The following LDLRAD3 variants were observed in gnomAD, a reference collection of about 807,000 sequenced individuals.
LDLRAD3 encodes the protein low-density lipoprotein receptor class A domain-containing protein 3.
In LDLRAD3, 20 loss-of-function variants were observed where a neutral mutation model predicts 29.4. The observed-to-expected ratio is 0.68, with a 90% CI of 0.48 to 0.99. LDLRAD3 has a LOEUF of 0.99. Among genes scored for constraint, LDLRAD3 ranks in the 50% least tolerant of loss-of-function variants. The probability of loss-of-function intolerance (pLI) is 0.00; values close to 1 mark genes in which losing one functional copy is unlikely to be tolerated. For missense variants in LDLRAD3, 420 were observed against 454.3 expected, an observed-to-expected ratio of 0.92 and a Z score of 0.69; for synonymous variants, 157 against 192.7, an observed-to-expected ratio of 0.81 and a Z score of 1.53.
chr11:35,981,226 G>C (rs1009077030), intron 1 of LDLRAD3, among the ~76,000 whole-genome samples: 3 of 152,000 alleles, frequency 2.0e-5, no homozygotes, highest in South Asian at 2.1e-4. Context: ...GGGGTGGGGG[G>C]GCTGAGTCAG....
intron 3 of LDLRAD3, among the ~76,000 whole-genome samples, chr11:36,088,576 T>C (rs1383980383): frequency 6.6e-6 from 1 of 152,222 alleles, no homozygotes; most frequent in East Asian, 1.9e-4. Context: ...TGCTGGCATA[T>C]TTCTGTAGCT....
intron 4 of LDLRAD3, among the ~76,000 whole-genome samples, chr11:36,138,045 C>A (rs1854027601): frequency 6.6e-6 from 1 of 152,170 alleles, no homozygotes; most frequent in Non-Finnish European, 1.5e-5. Flanking sequence ...TAATCTGTTG[C>A]ATTTGAGGTG....
chr11:36,189,307 G>A (rs879885162), intron 4 of LDLRAD3, among the ~76,000 whole-genome samples: 5 of 152,086 alleles, frequency 3.3e-5, no homozygotes, highest in Admixed American at 1.3e-4. Flanking sequence ...CCAACATGGT[G>A]AAACCCCGTC....
chr11:36,159,976 C>T (rs1192182962), intron 4 of LDLRAD3, among the ~76,000 whole-genome samples: 2 of 152,162 alleles, frequency 1.3e-5, no homozygotes, highest in African/African-American at 4.8e-5. Context: ...TTGGGACCCC[C>T]TTGAAAACAC....
intron 2 of LDLRAD3, among the ~76,000 whole-genome samples, chr11:36,079,138 C>T (rs556214821): frequency 1.3e-5 from 2 of 152,348 alleles, no homozygotes; most frequent in Non-Finnish European, 2.9e-5. Context: ...CGCTTCCTTA[C>T]TGCAGCTGGT....
chr11:35,950,063 T>C (rs1485593197), intron 1 of LDLRAD3, among the ~76,000 whole-genome samples: 2 of 152,234 alleles, frequency 1.3e-5, no homozygotes, highest in Non-Finnish European at 2.9e-5. Flanking sequence ...TTTCCAGGGG[T>C]AGGCGAAGCC....
intron 1 of LDLRAD3, among the ~76,000 whole-genome samples, chr11:36,030,096 C>G (rs1181566928): frequency 6.6e-6 from 1 of 152,188 alleles, no homozygotes; most frequent in Non-Finnish European, 1.5e-5. Context: ...GGAATGAGCT[C>G]ACAGGGCAGG....
intron 1 of LDLRAD3, among the ~76,000 whole-genome samples, chr11:36,032,606 G>T (rs750183834): frequency 6.6e-6 from 1 of 152,258 alleles, no homozygotes; most frequent in Middle Eastern, 3.4e-3. Flanking sequence ...ATTGCAGGAG[G>T]TATAGCAACA....
chr11:36,162,662 T>C (rs1854459679), intron 4 of LDLRAD3, among the ~76,000 whole-genome samples: 1 of 152,216 alleles, frequency 6.6e-6, no homozygotes, highest in East Asian at 1.9e-4. Flanking sequence ...CTTCTCAGAC[T>C]GGAGCTAAGC....
intron 4 of LDLRAD3, among the ~76,000 whole-genome samples, chr11:36,165,990 C>T (rs1242813683): frequency 7.6e-6 from 1 of 131,680 alleles, no homozygotes; most frequent in Non-Finnish European, 1.6e-5. Context: ...TCCTTCCTTC[C>T]TTCCTTCCTT....
intron 4 of LDLRAD3, among the ~76,000 whole-genome samples, chr11:36,170,289 TAC>T (rs1565276085): frequency 7.2e-6 from 1 of 139,302 alleles, no homozygotes; most frequent in East Asian, 2.0e-4. Flanking sequence ...TGTACATATA[TAC>T]ACACATATAT....
intron 2 of LDLRAD3, among the ~76,000 whole-genome samples, chr11:36,079,696 G>A (rs920196675): frequency 6.6e-6 from 1 of 152,220 alleles, no homozygotes; most frequent in Non-Finnish European, 1.5e-5. Flanking sequence ...CACAGGGGCT[G>A]GAGAAAAGTT....
chr11:36,225,341 G>A (rs1374248120), intron 4 of LDLRAD3, among the ~76,000 whole-genome samples: 1 of 152,206 alleles, frequency 6.6e-6, no homozygotes, highest in Non-Finnish European at 1.5e-5. Flanking sequence ...GTAAAGATGA[G>A]GGGTCCCCAG....
At chr11:35,956,055 T>C (rs757899090) in intron 1 of LDLRAD3, among the ~76,000 whole-genome samples, 1 of 152,268 alleles carries the variant, frequency 6.6e-6, no homozygotes, top group Non-Finnish European at 1.5e-5. Flanking sequence ...CACCAGTGGC[T>C]GCCCAAGGGG....
chr11:36,001,991 G>A (rs1021770722), intron 1 of LDLRAD3, among the ~76,000 whole-genome samples: 1 of 152,148 alleles, frequency 6.6e-6, no homozygotes, highest in East Asian at 1.9e-4. Flanking sequence ...TTGAGACCCA[G>A]TGAGCAGCTC....
chr11:36,037,029 C>T (rs574543927), intron 2 of LDLRAD3, among the ~76,000 whole-genome samples: 3 of 152,298 alleles, frequency 2.0e-5, no homozygotes, highest in South Asian at 4.1e-4. Flanking sequence ...TTCTCTTCCT[C>T]TTCAGTTTGT....
At chr11:35,987,915 C>T (rs1851634961) in intron 1 of LDLRAD3, among the ~76,000 whole-genome samples, 1 of 152,214 alleles carries the variant, frequency 6.6e-6, no homozygotes, top group African/African-American at 2.4e-5. Flanking sequence ...TGCTCCACAG[C>T]CTCACCAGCA....
intron 2 of LDLRAD3, among the ~76,000 whole-genome samples, chr11:36,072,094 C>G (rs978913896): frequency 6.6e-6 from 1 of 152,220 alleles, no homozygotes; most frequent in Non-Finnish European, 1.5e-5. Flanking sequence ...GTTGGGCTCT[C>G]TCAGCCACAT....
intron 4 of LDLRAD3, among the ~76,000 whole-genome samples, chr11:36,162,976 G>A (rs909055879): frequency 1.3e-5 from 2 of 152,174 alleles, no homozygotes; most frequent in African/African-American, 4.8e-5. Context: ...AGACCCAAGA[G>A]ACCAAACAGC....
Sources: allele counts gnomAD v4.1 joint callset (sites outside exome capture counted in the v4.1 genomes callset), GRCh38; gene constraint gnomAD v4.1.1; transcripts MANE v1.5; gene names NCBI Gene and HGNC (gene_info 2026-07-23, HGNC 2026-07-21).